The following SLCO3A1 variants were observed in gnomAD, a reference collection of about 807,000 sequenced individuals.
SLCO3A1 encodes solute carrier organic anion transporter family member 3A1, also known as PGE1 transporter.
A neutral mutation model predicts 63.1 loss-of-function variants in SLCO3A1; 27 were observed. That is an observed-to-expected ratio of 0.43 (90% CI 0.32 to 0.59). The LOEUF (loss-of-function observed/expected upper bound fraction) is 0.59. SLCO3A1 is among the 20% of genes least tolerant of loss of function. SLCO3A1 has a pLI of 0.09. For synonymous variants in SLCO3A1, 473 were observed against 409.9 expected, an observed-to-expected ratio of 1.15 and a Z score of -1.86; for missense variants, 773 against 945.8, an observed-to-expected ratio of 0.82 and a Z score of 2.40.
At chr15:92,157,539 G>A (rs1400511120) in intron 9 of SLCO3A1, among the ~76,000 whole-genome samples, 1 of 149,882 alleles carries the variant, frequency 6.7e-6, no homozygotes, top group South Asian at 2.1e-4. Context: ...CACGCAGGAT[G>A]GAGTGCAATA....
At chr15:92,078,717 A>T (rs2047308246) in intron 2 of SLCO3A1, among the ~76,000 whole-genome samples, 1 of 152,012 alleles carries the variant, frequency 6.6e-6, no homozygotes, top group African/African-American at 2.4e-5. Context: ...TGGGCACGTT[A>T]CTTCATCTCT....
chr15:92,057,910 C>A (rs1266657707), intron 2 of SLCO3A1, among the ~76,000 whole-genome samples: 1 of 152,158 alleles, frequency 6.6e-6, no homozygotes, highest in African/African-American at 2.4e-5. Flanking sequence ...TAAACAAAGC[C>A]CAACTCTTTG....
chr15:92,170,819 G>T (rs1032547652), downstream of SLCO3A1: 1 of 152,274 alleles, frequency 6.6e-6, no homozygotes, highest in African/African-American at 2.4e-5. Context: ...ACATCAGCAG[G>T]AACTTCCCAG....
At chr15:92,046,601 G>C (rs866986210) in intron 2 of SLCO3A1, among the ~76,000 whole-genome samples, 1 of 152,056 alleles carries the variant, frequency 6.6e-6, no homozygotes, top group Non-Finnish European at 1.5e-5. Flanking sequence ...ATCTGTAGCT[G>C]TACTGAAGTG....
At position 92,084,374 on chromosome 15, in the gene SLCO3A1, G is replaced by A. The variant is rs187222172; in HGVS notation, c.647-10507G>A. Reference sequence around the variant, plus strand: ...TGATCAGAAGCATTCTGTGCACTACGTATTTGACCCTCAATAACCCCTTAG... The same window carrying A: ...TGATCAGAAGCATTCTGTGCACTACATATTTGACCCTCAATAACCCCTTAG... On this transcript the variant is annotated intron_variant, in intron 2 of 9. Transcript: ENST00000318445. 6.1e-4 allele frequency among the ~76,000 whole-genome samples: 93 copies of A among 152,278 alleles called. No individual in the cohort carries two copies. The Middle Eastern group carries it at 0.01, about 17-fold the overall frequency.
At position 91,954,317 on chromosome 15, in the gene SLCO3A1, C is replaced by G. The variant is rs1332008300; in HGVS notation, c.646+37859C>G. On this transcript the variant is annotated intron_variant, in intron 2 of 9. Transcript: ENST00000318445. The surrounding 1 kb of genome is among the most constrained non-coding windows in gnomAD (Gnocchi z 4.7). Reference sequence around the variant, plus strand: ...GAGTTTCTCAGGATAAACCATCCACCCATGGAAGTGGCAGATCCTGAATGC... The same window carrying G: ...GAGTTTCTCAGGATAAACCATCCACGCATGGAAGTGGCAGATCCTGAATGC... Among the ~76,000 whole-genome samples the G allele has an allele frequency of 6.6e-6, 1 of 152,154 alleles. No individual in the cohort carries two copies. Among genetic ancestry groups the G allele is most frequent in the Non-Finnish European group, 1.5e-5 (1 of 68,028 alleles).
chr15:92,083,395 C>T (rs1430202265), intron 2 of SLCO3A1, among the ~76,000 whole-genome samples: 5 of 152,110 alleles, frequency 3.3e-5, no homozygotes, highest in African/African-American at 1.2e-4. Context: ...TCCTCAGGTG[C>T]CCTCCCTTCC....
At chr15:92,077,245 G>A (rs535031181) in intron 2 of SLCO3A1, among the ~76,000 whole-genome samples, 2 of 152,168 alleles carry the variant, frequency 1.3e-5, no homozygotes, top group Non-Finnish European at 2.9e-5. Flanking sequence ...TGGGGACACA[G>A]CGAAACCATA....
At chr15:91,915,421 C>A (rs190543195) in intron 1 of SLCO3A1, among the ~76,000 whole-genome samples, 1 of 152,294 alleles carries the variant, frequency 6.6e-6, no homozygotes, top group East Asian at 1.9e-4. Context: ...GAAATGTACA[C>A]TGGAAATTTC....
At chr15:92,134,555 C>T (rs2048033308) in intron 7 of SLCO3A1, among the ~76,000 whole-genome samples, 1 of 152,102 alleles carries the variant, frequency 6.6e-6, no homozygotes, top group African/African-American at 2.4e-5. Context: ...AGACAATAAT[C>T]CCTTTTGATA....
intron 1 of SLCO3A1, among the ~76,000 whole-genome samples, chr15:91,877,483 TG>T (rs1173210910): frequency 6.6e-6 from 1 of 152,228 alleles, no homozygotes; most frequent in Admixed American, 6.5e-5. Flanking sequence ...GTGGTACTTT[TG>T]CTCATGACAT....
At chr15:92,017,086 G>T (rs938287326) in intron 2 of SLCO3A1, among the ~76,000 whole-genome samples, 5 of 152,156 alleles carry the variant, frequency 3.3e-5, no homozygotes, top group African/African-American at 1.2e-4. Context: ...CCAAGGTTAA[G>T]AGGCACCATA....
chr15:92,122,056 G>A (rs372309522), intron 5 of SLCO3A1, among the ~76,000 whole-genome samples: 5 of 152,202 alleles, frequency 3.3e-5, no homozygotes, highest in African/African-American at 1.2e-4. Flanking sequence ...TGTTGGAGTC[G>A]AGGGAGGGAG....
intron 2 of SLCO3A1, among the ~76,000 whole-genome samples, chr15:91,939,227 G>T (rs555357293): frequency 1.3e-5 from 2 of 152,080 alleles, no homozygotes; most frequent in African/African-American, 4.8e-5. Context: ...AAACAGGAAC[G>T]AGAGAGAGAA....
intron 3 of SLCO3A1, among the ~76,000 whole-genome samples, chr15:92,095,329 A>C (rs1567116880): frequency 6.6e-6 from 1 of 152,236 alleles, no homozygotes. Flanking sequence ...AATGCTTGGC[A>C]TATCCTCATT....
chr15:91,919,755 C>G (rs1021309684), intron 2 of SLCO3A1, among the ~76,000 whole-genome samples: 1 of 151,812 alleles, frequency 6.6e-6, no homozygotes, highest in Non-Finnish European at 1.5e-5. Flanking sequence ...TTAGGTTGCC[C>G]CCCTTTTTTT....
intron 2 of SLCO3A1, among the ~76,000 whole-genome samples, chr15:92,049,701 G>A (rs771186988): frequency 2.6e-5 from 4 of 152,122 alleles, no homozygotes; most frequent in African/African-American, 9.7e-5. Context: ...AAATCCAAAC[G>A]CTGTTAGAGG....
intron 1 of SLCO3A1, among the ~76,000 whole-genome samples, chr15:91,855,691 T>C (rs2141828340): frequency 6.6e-6 from 1 of 152,310 alleles, no homozygotes; most frequent in South Asian, 2.1e-4. Flanking sequence ...GAAATTTAAC[T>C]GTTAAAATAT....
chr15:92,032,862 T>G (rs2046671799), intron 2 of SLCO3A1, among the ~76,000 whole-genome samples: 1 of 138,908 alleles, frequency 7.2e-6, no homozygotes, highest in Non-Finnish European at 1.5e-5. Context: ...AGATAACAAT[T>G]ACTCTGAAAT....
Sources: gnomAD v4.1 joint callset for allele counts (sites outside exome capture counted in the v4.1 genomes callset) on GRCh38, gnomAD v4.1.1 for gene constraint, Gnocchi (gnomAD v3.1) non-coding constraint, MANE v1.5 for transcripts, NCBI Gene and HGNC (gene_info 2026-07-23, HGNC 2026-07-21) for gene names.